SLC27A1: variants seen among roughly 807,000 people sequenced by gnomAD.
SLC27A1 encodes the protein solute carrier family 27 member 1, also known as long-chain fatty acid transport protein 1.
In SLC27A1, 61 loss-of-function variants were observed where a neutral mutation model predicts 62.2. The observed-to-expected ratio is 0.98, with a 90% confidence interval of 0.80 to 1.21. SLC27A1 has a LOEUF of 1.21. Ranked by LOEUF, SLC27A1 falls within the 50% of genes most tolerant of loss-of-function variation. SLC27A1 has a pLI of 0.00. For synonymous variants in SLC27A1, 435 were observed against 408.6 expected, an observed-to-expected ratio of 1.06 and a Z score of -0.78; for missense variants, 903 against 932.1, an observed-to-expected ratio of 0.97 and a Z score of 0.41.
intron 1 of SLC27A1, among the ~76,000 whole-genome samples, chr19:17,477,709 T>C (rs8113764): frequency 0.53 from 79,800 of 150,902 alleles, 21,761 homozygotes; most frequent in African/African-American, 0.63. Context: ...CCCGCCACCA[T>C]GCCCGGCTAA....
Position 17,501,186 on chromosome 19 carries a change from C to A in SLC27A1, c.1637-87C>A, listed in dbSNP as rs111957841. The stretch of plus-strand genomic sequence containing the variant: ...GTTGGGAGAGACTGGAGATTACAGA[C>A]CAGGGGCTACTGCTTGACAGTGTAT... On this transcript the variant is annotated intron_variant, in intron 10 of 11. Coordinates refer to ENST00000252595, the MANE Select transcript of SLC27A1 (RefSeq NM_198580.3). The A allele has an allele frequency of 1.2e-5, 18 of 1,534,914 alleles. No individual in the cohort carries two copies. The Admixed American group carries it at 2.4e-4, about 20-fold the overall frequency.
Position 17,502,506 on chromosome 19 carries a change from C to T in SLC27A1, c.1783+1087C>T, listed in dbSNP as rs530434054. Among the ~76,000 whole-genome samples the T allele has an allele frequency of 7.9e-5, 12 of 151,658 alleles. No individual in the cohort carries two copies. In the South Asian group the frequency reaches 1.7e-3, roughly 21 times the overall value. On this transcript the variant is annotated intron_variant, in intron 11 of 11. Coordinates refer to ENST00000252595, the MANE Select transcript of SLC27A1 (RefSeq NM_198580.3). Reference sequence around the variant, plus strand: ...AGCTGGGATTACAGGTGTGCACCACCATGCCCAGCTAATTTTTTTGTATTT... The same window carrying T: ...AGCTGGGATTACAGGTGTGCACCACTATGCCCAGCTAATTTTTTTGTATTT...
Position 17,486,456 on chromosome 19 carries a change from T to G in SLC27A1, c.168-107T>G. ...ACCAAAAGTTTCACCATAGACCTCA[T>G]CAAAGCCCCTGGCTGCCCTGGGGTC... On this transcript the variant is annotated intron_variant, in intron 1 of 11. Transcript: ENST00000252595. This position sits in a 1 kb window ranked among gnomAD's most constrained non-coding sequence, Gnocchi z 6.6. 7.4e-7 allele frequency: 1 copy of G among 1,353,638 alleles called. No homozygotes were observed. The highest frequency in any genetic ancestry group is 9.8e-7 in the Non-Finnish European group (1 of 1,017,756). The allele number at this position is 1,353,638 out of a possible 1,614,324, so 83.9% of individuals were successfully genotyped here.
At position 17,505,993 on chromosome 19, in the gene SLC27A1, C is replaced by A. The variant is rs2075476444; in HGVS notation, c.*1381C>A. 1 of 152,334 alleles carries A rather than the reference C, an allele frequency of 6.6e-6. No individual in the cohort carries two copies. The allele number at this position is 152,334 out of a possible 1,614,324, so 9.4% of individuals were successfully genotyped here. A position where few individuals can be genotyped will look rare whatever the true frequency, so the allele number is the denominator to read the frequency against. ...GGCTCATCTCGAACATCCACGCCAGCCTTTCTGGGGCCGGCCACCCAGGCC... is the reference window on the plus strand; with the variant it reads ...GGCTCATCTCGAACATCCACGCCAGACTTTCTGGGGCCGGCCACCCAGGCC... On this transcript the variant is annotated 3_prime_UTR_variant, in exon 12 of 12. Transcript: ENST00000252595.
chr19:17,474,343 G>A (rs1267803398), intron 1 of SLC27A1, among the ~76,000 whole-genome samples: 11 of 152,156 alleles, frequency 7.2e-5, no homozygotes, highest in Admixed American at 2.0e-4. Context: ...GTGGCCCTGC[G>A]CCCCACTCAG....
chr19:17,501,245 G>A (rs761965401), intron 10 of SLC27A1, 28 bp from the exon 11 acceptor site: 2 of 1,608,742 alleles, frequency 1.2e-6, no homozygotes, highest in Non-Finnish European at 1.7e-6. Context: ...GAGAGGCGGG[G>A]TGTCCTCAGC....
chr19:17,472,626 A>T (rs2075087899), intron 1 of SLC27A1, among the ~76,000 whole-genome samples: 1 of 151,948 alleles, frequency 6.6e-6, no homozygotes. Context: ...TCCCAGGTTC[A>T]AGTGATTCTC....
In SLC27A1 at chr19:17,493,218, C is replaced by G. The variant is rs146917333; in HGVS notation, c.997-4037C>G. On this transcript the variant is annotated intron_variant, in intron 6 of 11. Transcript: ENST00000252595. Reference sequence around the variant, plus strand: ...GGAAGTCGAGGCAGGTGGATCACCTCAGGTCAGGAGTTCAAGACCAGCCTG... The same window carrying G: ...GGAAGTCGAGGCAGGTGGATCACCTGAGGTCAGGAGTTCAAGACCAGCCTG... Among the ~76,000 whole-genome samples, 865 of 151,526 alleles carry G rather than the reference C, an allele frequency of 5.7e-3. 10 individuals are homozygous for G. Among genetic ancestry groups the G allele is most frequent in the African/African-American group, 0.019 (804 of 41,346 alleles).
chr19:17,501,229 G>C (rs930451785), intron 10 of SLC27A1, 44 bp from the exon 11 acceptor site: 1 of 1,603,600 alleles, frequency 6.2e-7, no homozygotes, highest in Admixed American at 1.7e-5. Context: ...TGCTGGTGGG[G>C]AGGATGAGAG....
Position 17,497,273 on chromosome 19 carries a change from G to T in SLC27A1, c.1015G>T (p.Glu339Ter). ...YNCTVVQYIG[E>*]ICRYLLKQPV... Reference sequence around the variant, plus strand: ...CCCCCAGGTGGTTCAGTACATCGGGGAGATCTGCCGCTACCTGCTGAAGCA... The same window carrying T: ...CCCCCAGGTGGTTCAGTACATCGGGTAGATCTGCCGCTACCTGCTGAAGCA... The change falls in exon 7 of 12, where the codon GAG becomes TAG. Residue 339 changes from glutamate (E) to a stop codon, truncating the protein, a stop_gained. Coordinates refer to ENST00000252595, the MANE Select transcript of SLC27A1 (RefSeq NM_198580.3). LOFTEE classifies it high-confidence loss of function. 1.2e-6 allele frequency: 2 copies of T among 1,604,460 alleles called. No individual in the cohort carries two copies. Among genetic ancestry groups the T allele is most frequent in the Non-Finnish European group, 1.7e-6 (2 of 1,177,226 alleles).
At chr19:17,474,084 A>T (rs1010277262) in intron 1 of SLC27A1, among the ~76,000 whole-genome samples, 5 of 152,128 alleles carry the variant, frequency 3.3e-5, no homozygotes, top group African/African-American at 1.2e-4. Flanking sequence ...CTGGGACTAC[A>T]GATGCGTGCC....
Position 17,505,874 on chromosome 19 carries a change from G to A in SLC27A1, c.*1262G>A, listed in dbSNP as rs58215408. 0.033 allele frequency: 5,034 copies of A among 152,674 alleles called. 256 individuals are homozygous for A. Among genetic ancestry groups the A allele is most frequent in the African/African-American group, 0.11 (4,415 of 41,554 alleles). The allele number at this position is 152,674 out of a possible 1,614,324, so 9.5% of individuals were successfully genotyped here. Reference sequence around the variant, plus strand: ...TACCCCACCTGGTGGTGGCCCCTCCGATGTCCCCACTGATGGCTCTGACAC... The same window carrying A: ...TACCCCACCTGGTGGTGGCCCCTCCAATGTCCCCACTGATGGCTCTGACAC... On this transcript the variant is annotated 3_prime_UTR_variant, in exon 12 of 12. Coordinates refer to ENST00000252595, the MANE Select transcript of SLC27A1 (RefSeq NM_198580.3).
intron 6 of SLC27A1, 110 bp from the exon 7 acceptor site, chr19:17,497,145 C>A: frequency 1.3e-6 from 1 of 771,920 alleles, no homozygotes; most frequent in Non-Finnish European, 2.1e-6. Flanking sequence ...TTAGGCTGTT[C>A]CGCTCATAGG....
rs779642909 is a variant in SLC27A1, at chr19:17,501,302, G to C, written c.1666G>C (p.Val556Leu). ...GVEGKAGMAA[V>L]ADPHSLLDPN... ...GGAGGGTAAGGCAGGGATGGCGGCC[G>C]TCGCAGACCCCCACAGCCTGCTGGA... Residue 556 changes from valine to leucine, a missense_variant, in exon 11 of 12, where the codon GTC (valine) becomes CTC (leucine). Physicochemically the swap from Val to Leu is conservative, Grantham distance 32. Coordinates refer to ENST00000252595, the MANE Select transcript of SLC27A1 (RefSeq NM_198580.3). 2 of 1,613,640 alleles carry C rather than the reference G, an allele frequency of 1.2e-6. No homozygotes were observed. The highest frequency in any genetic ancestry group is 2.2e-5 in the South Asian group (2 of 91,054).
At chr19:17,491,324 C>G (rs934764907) in intron 6 of SLC27A1, 5 of 152,316 alleles carry the variant, frequency 3.3e-5, no homozygotes, top group Admixed American at 2.6e-4. Context: ...CCCATCCCTC[C>G]ACCCCCAGCC....
chr19:17,474,330 A>G lies in SLC27A1; in HGVS notation c.167+3623A>G, dbSNP rs532338964. Reference sequence around the variant, plus strand: ...AGGAGACTGTGTCAGTCTTGGTGCCACTGTGGCCCTGCGCCCCACTCAGGA... The same window carrying G: ...AGGAGACTGTGTCAGTCTTGGTGCCGCTGTGGCCCTGCGCCCCACTCAGGA... On this transcript the variant is annotated intron_variant, in intron 1 of 11. Transcript: ENST00000252595. Among the ~76,000 whole-genome samples, 12 of 152,300 alleles carry G rather than the reference A, an allele frequency of 7.9e-5. 1 individual carries two copies. In the East Asian group the frequency reaches 1.5e-3, roughly 20 times the overall value.
At chr19:17,497,755 A>C (rs1363625607) in intron 7 of SLC27A1, 2 of 434,578 alleles carry the variant, frequency 4.6e-6, no homozygotes, top group Non-Finnish European at 4.1e-6. Flanking sequence ...TCTGAGCCTC[A>C]GTTTCTGCGT....
At chr19:17,481,083 G>T (rs991268974) in intron 1 of SLC27A1, among the ~76,000 whole-genome samples, 1 of 150,184 alleles carries the variant, frequency 6.7e-6, no homozygotes, top group Non-Finnish European at 1.5e-5. Flanking sequence ...GCGCCACCAC[G>T]CCCGGCCAAT....
intron 1 of SLC27A1, among the ~76,000 whole-genome samples, chr19:17,475,322 C>T (rs958595388): frequency 5.9e-5 from 9 of 152,092 alleles, no homozygotes; most frequent in African/African-American, 2.2e-4. Flanking sequence ...GGGAGGATTG[C>T]CTGAGGCCAG....
Sources: gnomAD v4.1 joint callset for allele counts (sites outside exome capture counted in the v4.1 genomes callset) on GRCh38, gnomAD v4.1.1 for gene constraint, Gnocchi (gnomAD v3.1) non-coding constraint, MANE v1.5 for transcripts, NCBI Gene and HGNC (gene_info 2026-07-23, HGNC 2026-07-21) for gene names.